ABCG1: variants seen among roughly 807,000 people sequenced by gnomAD.
The protein encoded by ABCG1 is ATP binding cassette subfamily G member 1, also known as ATP-binding cassette sub-family G member 1.
A neutral mutation model predicts 69.2 loss-of-function variants in ABCG1; 29 were observed. That is an observed-to-expected ratio of 0.42 (90% confidence interval 0.31 to 0.57). The LOEUF is 0.57. ABCG1 is among the 20% of genes least tolerant of loss of function. ABCG1 has a pLI of 0.15. For missense variants in ABCG1, 718 were observed against 898.1 expected (o/e 0.80, Z 2.56); for synonymous variants, 370 against 374.8 (o/e 0.99, Z 0.15).
Position 42,296,735 on chromosome 21 carries a change from C to T in ABCG1, c.*343C>T, listed in dbSNP as rs565575372. 10 of 332,278 alleles carry T rather than the reference C, an allele frequency of 3.0e-5. No individual in the cohort carries two copies. The highest frequency in any genetic ancestry group is 5.7e-5 in the Non-Finnish European group (10 of 174,934). The allele number at this position is 332,278 out of a possible 1,614,324, so 20.6% of individuals were successfully genotyped here. A position where few individuals can be genotyped will look rare whatever the true frequency, so the allele number is the denominator to read the frequency against. Reference sequence around the variant, plus strand: ...CCTCAGTCCAGTCGCTCCTTAGCACCAGGCACCGTGGGTCCTGGATGGGGA... The same window carrying T: ...CCTCAGTCCAGTCGCTCCTTAGCACTAGGCACCGTGGGTCCTGGATGGGGA... On this transcript the variant is annotated 3_prime_UTR_variant, in exon 15 of 15. Coordinates refer to ENST00000398449, the MANE Select transcript of ABCG1 (RefSeq NM_016818.3). The surrounding 1 kb of genome is among the most constrained non-coding windows in gnomAD (Gnocchi z 5.4).
intron 2 of ABCG1, among the ~76,000 whole-genome samples, chr21:42,264,050 G>A (rs929475126): frequency 6.6e-6 from 1 of 152,172 alleles, no homozygotes; most frequent in Admixed American, 6.5e-5. Flanking sequence ...ACATTCTCAG[G>A]GCCTCCAGGG....
At chr21:42,222,328 C>T (rs4148104) in intron 1 of ABCG1, among the ~76,000 whole-genome samples, 10,914 of 152,254 alleles carry the variant, frequency 0.072, 518 homozygotes, top group East Asian at 0.23. Flanking sequence ...GCAGTTTTCA[C>T]GATCCTATTA....
chr21:42,284,325 G>C (rs1323964265), intron 6 of ABCG1, among the ~76,000 whole-genome samples: 2 of 151,704 alleles, frequency 1.3e-5, no homozygotes, highest in Admixed American at 6.5e-5. Flanking sequence ...AGGCTCGCTG[G>C]GGTCCCTCCG....
intron 2 of ABCG1, among the ~76,000 whole-genome samples, chr21:42,265,451 A>G (rs2068486120): frequency 6.6e-6 from 1 of 152,214 alleles, no homozygotes; most frequent in African/African-American, 2.4e-5. Flanking sequence ...GAAGATGGGA[A>G]TTTGGACACA....
chr21:42,283,423 C>T (rs1462788755), intron 6 of ABCG1, among the ~76,000 whole-genome samples: 9 of 152,186 alleles, frequency 5.9e-5, no homozygotes, highest in African/African-American at 2.2e-4. Context: ...GGGATGAGAG[C>T]AGGAGTAGAT....
upstream of ABCG1, among the ~76,000 whole-genome samples, chr21:42,217,381 C>T (rs139921273): frequency 6.7e-3 from 1,022 of 152,226 alleles, 16 homozygotes; most frequent in African/African-American, 0.023. Context: ...TTCCGTGCCT[C>T]CTCTCGTGCT....
intron 2 of ABCG1, among the ~76,000 whole-genome samples, chr21:42,251,020 C>T (rs961032265): frequency 2.9e-5 from 4 of 138,452 alleles, no homozygotes; most frequent in South Asian, 2.4e-4. Flanking sequence ...GACAGCTCAG[C>T]GCCCAGCAGA....
At chr21:42,238,323 A>C (rs1053166735) in intron 2 of ABCG1, among the ~76,000 whole-genome samples, 3 of 152,136 alleles carry the variant, frequency 2.0e-5, no homozygotes. Context: ...GGGGATTTCG[A>C]ATCTCAACAC....
At position 42,282,361 on chromosome 21, in the gene ABCG1, G is replaced by A. The variant is rs1331236304; in HGVS notation, c.676G>A (p.Ala226Thr). ...SLSGGQRKRL[A>T]IALELVNNPP... Reference sequence around the variant, plus strand: ...GTCAGGTGGTCAGCGCAAGCGCCTGGCCATCGCGCTGGAGCTGGTGAACAA... The same window carrying A: ...GTCAGGTGGTCAGCGCAAGCGCCTGACCATCGCGCTGGAGCTGGTGAACAA... The change falls in exon 6 of 15, where the codon GCC (alanine) becomes ACC (threonine). Residue 226 changes from alanine to threonine, a missense_variant. Coordinates refer to ENST00000398449, the MANE Select transcript of ABCG1 (RefSeq NM_016818.3). 3.7e-6 allele frequency: 6 copies of A among 1,613,802 alleles called. No individual in the cohort carries two copies. Among genetic ancestry groups the A allele is most frequent in the Non-Finnish European group, 5.1e-6 (6 of 1,180,008 alleles).
chr21:42,239,773 G>C (rs776373137), intron 2 of ABCG1, among the ~76,000 whole-genome samples: 2 of 152,256 alleles, frequency 1.3e-5, no homozygotes, highest in Admixed American at 1.3e-4. Flanking sequence ...GCAGAAGACC[G>C]TCCGGGGCCT....
intron 2 of ABCG1, among the ~76,000 whole-genome samples, chr21:42,209,550 A>G (rs1261887006): frequency 1.3e-5 from 2 of 152,228 alleles, no homozygotes; most frequent in African/African-American, 2.4e-5. Context: ...TAGAGGGTCA[A>G]TCTAGAAACT....
intron 2 of ABCG1, among the ~76,000 whole-genome samples, chr21:42,257,450 C>A (rs1035758819): frequency 2.6e-5 from 4 of 152,242 alleles, no homozygotes; most frequent in African/African-American, 9.6e-5. Context: ...GTTAGCAGGA[C>A]GTACTTGGAG....
intron 2 of ABCG1, among the ~76,000 whole-genome samples, chr21:42,258,555 G>C (rs1195434381): frequency 6.6e-6 from 1 of 151,374 alleles, no homozygotes; most frequent in Non-Finnish European, 1.5e-5. Context: ...TTTGCAACTG[G>C]GGGTTGCCTT....
chr21:42,252,014 G>A (rs2123651255), intron 2 of ABCG1, among the ~76,000 whole-genome samples: 1 of 152,348 alleles, frequency 6.6e-6, no homozygotes, highest in African/African-American at 2.4e-5. Flanking sequence ...CCCTGACCAT[G>A]CCATTGGGTT....
chr21:42,289,988 T>C, intron 10 of ABCG1, 62 bp from the exon 11 acceptor site: 1 of 1,602,174 alleles, frequency 6.2e-7, no homozygotes, highest in Admixed American at 1.7e-5. Flanking sequence ...CGCATCCGGG[T>C]TGTTCTCTGA....
At chr21:42,236,037 G>C (rs560321987) in intron 2 of ABCG1, among the ~76,000 whole-genome samples, 1 of 152,338 alleles carries the variant, frequency 6.6e-6, no homozygotes, top group Non-Finnish European at 1.5e-5. Context: ...TTAGCTGACA[G>C]TGTGGGGTGA....
Position 42,276,993 on chromosome 21 carries a change from G to A in ABCG1, c.588+48G>A, listed in dbSNP as rs1173076940. On this transcript the variant is annotated intron_variant, in intron 5 of 14. Transcript: ENST00000398449. The surrounding 1 kb of genome is among the most constrained non-coding windows in gnomAD (Gnocchi z 5.3). ...ACAAGTGGTCCAGAAAGTGCATGAC[G>A]TGCATGTGGAAGGTGTGCCTGCCGG... 15 of 1,598,006 alleles carry A rather than the reference G, an allele frequency of 9.4e-6. No homozygotes were observed. The highest frequency in any genetic ancestry group is 3.3e-5 in the Admixed American group (2 of 59,758).
intron 2 of ABCG1, among the ~76,000 whole-genome samples, chr21:42,253,386 C>T (rs1000051995): frequency 2.0e-5 from 3 of 152,166 alleles, no homozygotes; most frequent in African/African-American, 4.8e-5. Flanking sequence ...CCACTTGGTA[C>T]AATTTAGGAA....
chr21:42,275,135 G>A (rs1287003689), intron 4 of ABCG1, among the ~76,000 whole-genome samples: 2 of 152,274 alleles, frequency 1.3e-5, no homozygotes, highest in East Asian at 3.9e-4. Flanking sequence ...AGAGTGGCAC[G>A]TGAAGGGCAG....
Sources: allele counts gnomAD v4.1 joint callset (sites outside exome capture counted in the v4.1 genomes callset), GRCh38; gene constraint gnomAD v4.1.1; non-coding constraint Gnocchi (gnomAD v3.1); transcripts MANE v1.5; gene names NCBI Gene and HGNC (gene_info 2026-07-23, HGNC 2026-07-21).